The following ELAVL2 variants were observed in gnomAD, a reference collection of about 807,000 sequenced individuals.
ELAVL2 encodes the protein ELAV like RNA binding protein 2, also known as ELAV-like protein 2.
In ELAVL2, 4 loss-of-function variants were observed where a neutral mutation model predicts 34.6. The ratio of observed to expected loss-of-function variants is 0.12; its 90% CI spans 0.06 to 0.26. ELAVL2 has a LOEUF of 0.26. Ranked by LOEUF, ELAVL2 falls within the 10% of genes least tolerant of loss-of-function variation. The pLI is 1.00. For missense variants in ELAVL2, 432 were observed against 442.8 expected, an observed-to-expected ratio of 0.98 and a Z score of 0.22; for synonymous variants, 193 against 154.8, an observed-to-expected ratio of 1.25 and a Z score of -1.83.
At chr9:23,797,914 G>C (rs762054488) in intron 1 of ELAVL2, among the ~76,000 whole-genome samples, 1 of 151,770 alleles carries the variant, frequency 6.6e-6, no homozygotes, top group African/African-American at 2.4e-5. Context: ...CGCAACAAGA[G>C]TGAAACTCTG....
At chr9:23,777,376 A>G (rs531272294) in intron 1 of ELAVL2, among the ~76,000 whole-genome samples, 1 of 152,140 alleles carries the variant, frequency 6.6e-6, no homozygotes, top group Non-Finnish European at 1.5e-5. Context: ...TCTATCTTAG[A>G]CTATTTTAAA....
chr9:23,753,112 G>T lies in ELAVL2; in HGVS notation c.229+8894C>A, dbSNP rs921441433. Among the ~76,000 whole-genome samples, 18 of 152,116 alleles carry T rather than the reference G, an allele frequency of 1.2e-4. 1 individual carries two copies. The highest frequency in any genetic ancestry group is 2.4e-4 in the Non-Finnish European group (16 of 68,010). ...ACAAATACCTTAAGGACTAAAACAT[G>T]CTAATTAAGCCACTGTATAGACCTG... On this transcript the variant is annotated intron_variant, in intron 2 of 6. Coordinates refer to ENST00000397312, the MANE Select transcript of ELAVL2 (RefSeq NM_004432.5).
chr9:23,704,149 C>CTTTTTTTTTTTTTTTTTTTTTTTTTTTT (rs1213893502), intron 4 of ELAVL2, among the ~76,000 whole-genome samples: 99 of 151,756 alleles, frequency 6.5e-4, no homozygotes, highest in Admixed American at 1.3e-3. Flanking sequence ...TCACGCTGGT[C>CTTTTTTTTTTTTTTTTTTTTTTTTTTTT]TTGAACTCCC....
chr9:23,722,400 G>A (rs1176571927), intron 3 of ELAVL2, among the ~76,000 whole-genome samples: 1 of 152,172 alleles, frequency 6.6e-6, no homozygotes. Context: ...TCACTTATCT[G>A]CTAAGTATGA....
chr9:23,693,705 A>G (rs544979979), intron 5 of ELAVL2, among the ~76,000 whole-genome samples: 1 of 152,306 alleles, frequency 6.6e-6, no homozygotes, highest in South Asian at 2.1e-4. Flanking sequence ...GGGTCAGTAC[A>G]TGGGACACAG....
At chr9:23,804,176 TATTTA>T (rs796775133) in intron 1 of ELAVL2, among the ~76,000 whole-genome samples, 3 of 148,328 alleles carry the variant, frequency 2.0e-5, no homozygotes, top group Non-Finnish European at 1.5e-5. Flanking sequence ...TTTATTTATT[TATTTA>T]TTTTTTTTTT....
At chr9:23,721,413 T>G (rs1479480676) in intron 3 of ELAVL2, among the ~76,000 whole-genome samples, 1 of 152,222 alleles carries the variant, frequency 6.6e-6, no homozygotes, top group Admixed American at 6.5e-5. Context: ...ACTGAAACTT[T>G]TTCTGAATTA....
rs1317396983 is a variant in ELAVL2 at position 23,722,393 on chromosome 9, CT to C, written c.333+8628del. Among the ~76,000 whole-genome samples, 6 of 152,340 alleles carry C rather than the reference CT, an allele frequency of 3.9e-5. No homozygotes were observed. The East Asian group carries it at 1.2e-3, about 29-fold the overall frequency. ...AAATAACTGAATCAATGTTAACTCACTTATCTGCTAAGTATGACCTCCAGAT... is the reference window on the plus strand; with the variant it reads ...AAATAACTGAATCAATGTTAACTCACTATCTGCTAAGTATGACCTCCAGAT... On this transcript the variant is annotated intron_variant, in intron 3 of 6. Coordinates refer to ENST00000397312, the MANE Select transcript of ELAVL2 (RefSeq NM_004432.5).
upstream of ELAVL2, among the ~76,000 whole-genome samples, chr9:23,830,724 A>G (rs1201561182): frequency 6.6e-6 from 1 of 151,396 alleles, no homozygotes; most frequent in Non-Finnish European, 1.5e-5. Context: ...CATGTCCCAG[A>G]GTGTCTAGGA....
At chr9:23,845,410 TA>T in the ELAVL2 span, among the ~76,000 whole-genome samples, 1 of 151,748 alleles carries the variant, frequency 6.6e-6, no homozygotes, top group Non-Finnish European at 1.5e-5. Context: ...TATTAGCTAC[TA>T]AAAAAACTTG....
intron 5 of ELAVL2, among the ~76,000 whole-genome samples, chr9:23,693,773 A>C (rs2034101351): frequency 6.6e-6 from 1 of 152,164 alleles, no homozygotes; most frequent in South Asian, 2.1e-4. Context: ...GGGATAGTTA[A>C]CTTTAGGGTT....
chr9:23,701,161 A>AG (rs1165314748), intron 5 of ELAVL2, among the ~76,000 whole-genome samples: 1 of 152,244 alleles, frequency 6.6e-6, no homozygotes. Flanking sequence ...TCACTGCTGT[A>AG]GGTTACTGTC....
intron 1 of ELAVL2, among the ~76,000 whole-genome samples, chr9:23,784,756 C>A (rs1352115835): frequency 2.0e-5 from 3 of 152,188 alleles, no homozygotes; most frequent in African/African-American, 7.2e-5. Flanking sequence ...ACCTGTAACT[C>A]CCATTACATC....
At chr9:23,819,183 T>C (rs1364404508) in intron 1 of ELAVL2, among the ~76,000 whole-genome samples, 1 of 152,180 alleles carries the variant, frequency 6.6e-6, no homozygotes, top group African/African-American at 2.4e-5. Context: ...TGTGTATAAA[T>C]AATCAAAAGG....
At chr9:23,801,812 A>T (rs1038982688) in intron 1 of ELAVL2, among the ~76,000 whole-genome samples, 21 of 152,332 alleles carry the variant, frequency 1.4e-4, no homozygotes, top group African/African-American at 5.0e-4. Context: ...ACCCTTCACT[A>T]CCAACACCCC....
intron 1 of ELAVL2, among the ~76,000 whole-genome samples, chr9:23,771,582 C>G (rs2057317589): frequency 6.6e-6 from 1 of 152,046 alleles, no homozygotes; most frequent in Non-Finnish European, 1.5e-5. Flanking sequence ...AAAGAATCAA[C>G]TGATTCATTT....
At chr9:23,820,072 A>G (rs11793074) in intron 1 of ELAVL2, among the ~76,000 whole-genome samples, 19,366 of 149,364 alleles carry the variant, frequency 0.13, 1,521 homozygotes, top group Middle Eastern at 0.19. Context: ...CAGCTTTTCC[A>G]CCCGCTCACC....
At chr9:23,792,116 G>A (rs900248761) in intron 1 of ELAVL2, among the ~76,000 whole-genome samples, 2 of 152,180 alleles carry the variant, frequency 1.3e-5, no homozygotes, top group Admixed American at 1.3e-4. Flanking sequence ...TCAGTATTCA[G>A]TAAATTACAT....
At chr9:23,771,202 G>A (rs1343396803) in intron 1 of ELAVL2, among the ~76,000 whole-genome samples, 2 of 152,100 alleles carry the variant, frequency 1.3e-5, no homozygotes, top group African/African-American at 4.8e-5. Context: ...ATCAGATTCT[G>A]GATATACCCA....
Sources: gnomAD v4.1 joint callset for allele counts (sites outside exome capture counted in the v4.1 genomes callset) on GRCh38, gnomAD v4.1.1 for gene constraint, MANE v1.5 for transcripts, NCBI Gene and HGNC (gene_info 2026-07-23, HGNC 2026-07-21) for gene names.